Variants in SOD2 observed in about 807,000 individuals in gnomAD.
SOD2 encodes the protein superoxide dismutase 2, also known as superoxide dismutase [Mn], mitochondrial.
In SOD2, 11 loss-of-function variants were observed where a neutral mutation model predicts 27.0. The ratio of observed to expected loss-of-function variants is 0.41; its 90% confidence interval spans 0.26 to 0.67. The LOEUF (loss-of-function observed/expected upper bound fraction) is 0.67. Ranked by LOEUF, SOD2 falls within the 30% of genes least tolerant of loss-of-function variation. SOD2 has a pLI of 0.34. For missense variants in SOD2, 250 were observed against 274.5 expected (o/e 0.91, Z 0.63); for synonymous variants, 105 against 103.0 (o/e 1.02, Z -0.12).
chr6:159,732,890 T>TA (rs1391566730), intron 1 of SOD2, among the ~76,000 whole-genome samples: 20 of 43,350 alleles, frequency 4.6e-4, no homozygotes, highest in African/African-American at 9.4e-4. Flanking sequence ...ATATATAGTG[T>TA]GTGTGTGTGT....
At chr6:159,708,589 A>T (rs1319370624) in intron 1 of SOD2, among the ~76,000 whole-genome samples, 1 of 152,224 alleles carries the variant, frequency 6.6e-6, no homozygotes, top group African/African-American at 2.4e-5. Context: ...TTCAAGGAGA[A>T]CTACAAACCA....
chr6:159,699,006 G>A (rs542595934), intron 1 of SOD2, among the ~76,000 whole-genome samples: 2 of 152,084 alleles, frequency 1.3e-5, no homozygotes, highest in East Asian at 3.9e-4. Context: ...AACCCATGTT[G>A]TTCAAGGGTC....
At chr6:159,703,958 C>A (rs1353427543) in intron 1 of SOD2, among the ~76,000 whole-genome samples, 1 of 152,154 alleles carries the variant, frequency 6.6e-6, no homozygotes, top group Non-Finnish European at 1.5e-5. Context: ...GTGACACAAG[C>A]CTGTAATGCA....
At chr6:159,736,538 G>T in intron 1 of SOD2, 1 of 370,762 alleles carries the variant, frequency 2.7e-6, no homozygotes, top group South Asian at 6.3e-5. Context: ...ATATTCCCAT[G>T]GTCTACTCTT....
At chr6:159,719,976 G>C (rs549889240) in intron 1 of SOD2, among the ~76,000 whole-genome samples, 3 of 150,700 alleles carry the variant, frequency 2.0e-5, no homozygotes, top group African/African-American at 4.9e-5. Context: ...TGCCTGCCTC[G>C]GTCTCCCAAA....
chr6:159,688,237 C>G lies in SOD2; in HGVS notation c.232G>C (p.Val78Leu). Residue 78 changes from valine to leucine, a missense_variant, in exon 3 of 5, where the codon GTT becomes CTT. Coordinates refer to ENST00000538183, the MANE Select transcript of SOD2 (RefSeq NM_000636.4). ...GGCTGAAGAGCTATCTGGGCTGTAACATCTCCTGAAAAGTTAAAATGCAAA... is the reference window on the plus strand; with the variant it reads ...GGCTGAAGAGCTATCTGGGCTGTAAGATCTCCTGAAAAGTTAAAATGCAAA... ...KYQEALAKGD[V>L]TAQIALQPAL... is the part of the protein sequence containing the mutation. The G allele has an allele frequency of 6.3e-7, 1 of 1,596,968 alleles. No homozygotes were observed. The highest frequency in any genetic ancestry group is 8.6e-7 in the Non-Finnish European group (1 of 1,164,482).
rs1426829087 is a variant in SOD2, at chr6:159,680,943, A to T, written c.*1550T>A. On this transcript the variant is annotated 3_prime_UTR_variant, in exon 5 of 5. Coordinates refer to ENST00000538183, the MANE Select transcript of SOD2 (RefSeq NM_000636.4). The stretch of plus-strand genomic sequence containing the variant: ...AGAGCAAGACTCTGTCTCCAAAAAA[A>T]AAGAAAAAAAAAAAACGCCTATATA... 2 of 139,070 alleles carry T rather than the reference A, an allele frequency of 1.4e-5. No homozygotes were observed. Among genetic ancestry groups the T allele is most frequent in the Non-Finnish European group, 3.2e-5 (2 of 62,412 alleles). 8.6% of individuals were successfully genotyped at this position (139,070 alleles called of 1,614,324 possible).
upstream of SOD2, among the ~76,000 whole-genome samples, chr6:159,693,687 A>C (rs1246970825): frequency 1.3e-5 from 2 of 152,190 alleles, no homozygotes; most frequent in Non-Finnish European, 2.9e-5. Flanking sequence ...GCCTCACTGC[A>C]AAAAGACATT....
At position 159,674,680 on chromosome 6, in the gene SOD2, C is replaced by G. The variant is rs1426454648; in HGVS notation, c.*7813G>C. The G allele has an allele frequency of 6.6e-6, 1 of 152,220 alleles. No individual in the cohort carries two copies. The allele number at this position is 152,220 out of a possible 1,614,324, so 9.4% of individuals were successfully genotyped here. The stretch of plus-strand genomic sequence containing the variant: ...AAACTGGAAGCATTCCCTTTGAAAA[C>G]TGGCACAAGACAGGGATGCCCTCTC... On this transcript the variant is annotated 3_prime_UTR_variant, in exon 5 of 5. Transcript: ENST00000538183.
intron 1 of SOD2, chr6:159,726,597 T>C: frequency 2.7e-6 from 1 of 369,528 alleles, no homozygotes; most frequent in Non-Finnish European, 5.1e-6. Context: ...ATGGCAGTCT[T>C]ACTTCAGGGA....
Position 159,676,755 on chromosome 6 carries a change from A to G in SOD2, c.*5738T>C, listed in dbSNP as rs1202912318. 6.6e-6 allele frequency: 1 copy of G among 152,176 alleles called. No homozygotes were observed. Among genetic ancestry groups the G allele is most frequent in the Admixed American group, 6.5e-5 (1 of 15,274 alleles). The allele number at this position is 152,176 out of a possible 1,614,324, so 9.4% of individuals were successfully genotyped here. A position where few individuals can be genotyped will look rare whatever the true frequency, so the allele number is the denominator to read the frequency against. On this transcript the variant is annotated 3_prime_UTR_variant, in exon 5 of 5. Transcript: ENST00000538183. ...AACTTAAAGTATAATTTAAAAATAA[A>G]TAAGTAAAAAATAAAATGCCAGAGT...
At chr6:159,745,330 G>A (rs141845020), upstream of SOD2, 2 of 152,088 alleles carry the variant, frequency 1.3e-5, no homozygotes, top group Non-Finnish European at 1.5e-5. Flanking sequence ...TGGCAGTTTT[G>A]ATCATATTAC....
chr6:159,714,022 G>T, intron 1 of SOD2: 1 of 702,856 alleles, frequency 1.4e-6, no homozygotes, highest in South Asian at 2.0e-5. Context: ...CAAGTTTGGC[G>T]GAATGCAATT....
rs1017366080 is a variant in SOD2, at chr6:159,677,948, G to C, written c.*4545C>G. On this transcript the variant is annotated 3_prime_UTR_variant, in exon 5 of 5. Coordinates refer to ENST00000538183, the MANE Select transcript of SOD2 (RefSeq NM_000636.4). ...GGGAGCCTCTAGGTAGCTTCAGGAC[G>C]GGGGGCTGCTTACCAGAAAGACCAA... The C allele has an allele frequency of 2.2e-4, 34 of 152,216 alleles. No homozygotes were observed. The highest frequency in any genetic ancestry group is 7.0e-4 in the African/African-American group (29 of 41,536). 9.4% of individuals were successfully genotyped at this position (152,216 alleles called of 1,614,324 possible).
intron 1 of SOD2, chr6:159,726,443 CT>C (rs1257808957): frequency 5.0e-6 from 1 of 199,116 alleles, no homozygotes; most frequent in African/African-American, 2.4e-5. Context: ...AATCACCTTA[CT>C]ACAAGACACT....
At chr6:159,752,299 C>T (rs1343727355) in intron 1 of SOD2, among the ~76,000 whole-genome samples, 1 of 152,126 alleles carries the variant, frequency 6.6e-6, no homozygotes, top group Non-Finnish European at 1.5e-5. Context: ...ATCCAAGTCT[C>T]AAAGGTAAAT....
upstream of SOD2, among the ~76,000 whole-genome samples, chr6:159,745,563 A>T (rs1779526138): frequency 6.6e-6 from 1 of 152,134 alleles, no homozygotes; most frequent in South Asian, 2.1e-4. Flanking sequence ...TCACAAGGAA[A>T]GGTCAAGATT....
At chr6:159,743,246 C>T (rs562922326) in intron 1 of SOD2, among the ~76,000 whole-genome samples, 62 of 152,176 alleles carry the variant, frequency 4.1e-4, no homozygotes, top group Middle Eastern at 6.8e-3. Context: ...GGTGTTTCAC[C>T]GTGTTGGTTA....
At chr6:159,688,266 A>T (rs1214414976) in intron 2 of SOD2, 24 bp from the exon 3 acceptor site, 3 of 1,419,954 alleles carry the variant, frequency 2.1e-6, no homozygotes, top group Non-Finnish European at 2.0e-6. Context: ...ATGCAAACAC[A>T]TTTTTTTGTA....
Sources: gnomAD v4.1 joint callset for allele counts (sites outside exome capture counted in the v4.1 genomes callset) on GRCh38, gnomAD v4.1.1 for gene constraint, MANE v1.5 for transcripts, NCBI Gene and HGNC (gene_info 2026-07-23, HGNC 2026-07-21) for gene names.